The following TASP1 variants were observed in gnomAD, a reference collection of about 807,000 sequenced individuals.
The protein encoded by TASP1 is taspase 1.
TASP1 carries 16 observed loss-of-function variants against 56.6 expected under a neutral mutation model. That is an observed-to-expected ratio of 0.28 (90% CI 0.19 to 0.43). The LOEUF is 0.43. Ranked by LOEUF, TASP1 falls within the 20% of genes least tolerant of loss-of-function variation. TASP1 has a pLI of 1.00. For synonymous variants in TASP1, 179 were observed against 184.2 expected (o/e 0.97, Z 0.23); for missense variants, 393 against 511.6 (o/e 0.77, Z 2.24).
chr20:13,265,926 T>C, the TASP1 span, among the ~76,000 whole-genome samples: 1 of 152,130 alleles, frequency 6.6e-6, no homozygotes, highest in Non-Finnish European at 1.5e-5. Context: ...ATCTGTCCAG[T>C]CAGCCACGCT....
intron 13 of TASP1, among the ~76,000 whole-genome samples, chr20:13,412,638 C>T (rs1179131300): frequency 1.3e-5 from 2 of 152,110 alleles, no homozygotes; most frequent in East Asian, 3.9e-4. Flanking sequence ...TAGGAAAAAG[C>T]ACTCAGAAAT....
At chr20:13,412,705 G>A (rs1362190094) in intron 13 of TASP1, among the ~76,000 whole-genome samples, 2 of 152,032 alleles carry the variant, frequency 1.3e-5, no homozygotes, top group Non-Finnish European at 1.5e-5. Flanking sequence ...TAAAGACCTG[G>A]AAACCATCTT....
the TASP1 span, among the ~76,000 whole-genome samples, chr20:13,174,624 G>A: frequency 6.6e-6 from 1 of 151,844 alleles, no homozygotes; most frequent in East Asian, 1.9e-4. Context: ...ACTTGAGCCT[G>A]GGAAGTCGAA....
At chr20:13,616,086 C>T (rs1466995682) in intron 4 of TASP1, among the ~76,000 whole-genome samples, 2 of 152,116 alleles carry the variant, frequency 1.3e-5, no homozygotes, top group Admixed American at 1.3e-4. Flanking sequence ...CATACACACA[C>T]ACACACACAA....
At chr20:13,173,726 C>T in the TASP1 span, among the ~76,000 whole-genome samples, 1 of 152,306 alleles carries the variant, frequency 6.6e-6, no homozygotes, top group Non-Finnish European at 1.5e-5. Flanking sequence ...CACCTCACTT[C>T]AAGACCCTCC....
At chr20:13,521,901 A>G (rs923612665) in intron 10 of TASP1, among the ~76,000 whole-genome samples, 3 of 152,194 alleles carry the variant, frequency 2.0e-5, no homozygotes, top group African/African-American at 7.2e-5. Flanking sequence ...GGGAGACAGG[A>G]AATGTTGGCT....
intron 13 of TASP1, among the ~76,000 whole-genome samples, chr20:13,400,170 C>G (rs576073364): frequency 2.6e-5 from 4 of 152,114 alleles, no homozygotes; most frequent in African/African-American, 9.7e-5. Context: ...GGATTCTTGT[C>G]GCTTGGTTCA....
the TASP1 span, among the ~76,000 whole-genome samples, chr20:13,155,205 A>C: frequency 6.6e-6 from 1 of 152,134 alleles, no homozygotes. Flanking sequence ...AAGGAAGTTA[A>C]CTAAGCTCCT....
chr20:13,106,695 G>T, the TASP1 span, among the ~76,000 whole-genome samples: 638 of 152,296 alleles, frequency 4.2e-3, 1 homozygote, highest in Non-Finnish European at 5.7e-3. Context: ...GAGGCTGCAG[G>T]TGAGCTGGGG....
chr20:13,488,874 T>A lies in TASP1; in HGVS notation c.875-5537A>T, dbSNP rs188473265. ...ACTATTCCTCACCCCACTCAGGTCC[T>A]CACCTCTATTCTTAACTAACTAAAA... On this transcript the variant is annotated intron_variant, in intron 10 of 13. Transcript: ENST00000337743. 2.6e-4 allele frequency among the ~76,000 whole-genome samples: 39 copies of A among 152,216 alleles called. No individual in the cohort carries two copies. The East Asian group carries it at 7.4e-3, about 29-fold the overall frequency.
intron 4 of TASP1, among the ~76,000 whole-genome samples, chr20:13,594,790 G>A (rs1331354203): frequency 6.6e-6 from 1 of 152,156 alleles, no homozygotes; most frequent in Non-Finnish European, 1.5e-5. Context: ...GAACCAACTT[G>A]GAAAACACTC....
chr20:13,480,057 T>C (rs1282464847), intron 11 of TASP1, among the ~76,000 whole-genome samples: 1 of 152,230 alleles, frequency 6.6e-6, no homozygotes, highest in East Asian at 1.9e-4. Flanking sequence ...ACCTTGTAAA[T>C]ATCATCTGTG....
At chr20:13,122,316 G>A in the TASP1 span, among the ~76,000 whole-genome samples, 1 of 152,208 alleles carries the variant, frequency 6.6e-6, no homozygotes, top group African/African-American at 2.4e-5. Flanking sequence ...CTGTGATTTA[G>A]TACCATATAG....
the TASP1 span, among the ~76,000 whole-genome samples, chr20:13,128,685 G>A: frequency 6.6e-6 from 1 of 151,698 alleles, no homozygotes; most frequent in Non-Finnish European, 1.5e-5. Flanking sequence ...GTTCTTTTTT[G>A]TTTTTTGGGT....
intron 10 of TASP1, among the ~76,000 whole-genome samples, chr20:13,521,274 G>A (rs1601104173): frequency 6.6e-6 from 1 of 152,186 alleles, no homozygotes; most frequent in African/African-American, 2.4e-5. Flanking sequence ...CCATTACTGG[G>A]TATATACCCA....
chr20:13,318,009 C>T, the TASP1 span, among the ~76,000 whole-genome samples: 1,862 of 151,848 alleles, frequency 0.012, 20 homozygotes, highest in Non-Finnish European at 0.02. Flanking sequence ...AAAAACAAGC[C>T]AAAGACTGGG....
At chr20:13,128,354 C>T in the TASP1 span, among the ~76,000 whole-genome samples, 1 of 152,184 alleles carries the variant, frequency 6.6e-6, no homozygotes, top group African/African-American at 2.4e-5. Flanking sequence ...CCCTGTAGAT[C>T]TCAGTGGCTT....
At chr20:13,178,343 T>A in the TASP1 span, among the ~76,000 whole-genome samples, 43 of 152,124 alleles carry the variant, frequency 2.8e-4, no homozygotes, top group Non-Finnish European at 5.1e-4. Flanking sequence ...AACAACAGTG[T>A]GAAGGTTCCC....
chr20:13,204,291 C>T, the TASP1 span, among the ~76,000 whole-genome samples: 7 of 152,124 alleles, frequency 4.6e-5, no homozygotes, highest in African/African-American at 1.7e-4. Context: ...GTTGTTCTGC[C>T]TGTCTGAGCC....
Sources: allele counts gnomAD v4.1 joint callset (sites outside exome capture counted in the v4.1 genomes callset), GRCh38; gene constraint gnomAD v4.1.1; transcripts MANE v1.5; gene names NCBI Gene and HGNC (gene_info 2026-07-23, HGNC 2026-07-21).